Variants in TAFA5 observed in about 807,000 individuals in gnomAD.
The protein encoded by TAFA5 is TAFA chemokine like family member 5.
TAFA5 carries 6 observed loss-of-function variants against 15.3 expected under a neutral mutation model. The observed-to-expected ratio is 0.39, with a 90% CI of 0.21 to 0.77. TAFA5 has a LOEUF of 0.77. Ranked by LOEUF, TAFA5 falls within the 30% of genes least tolerant of loss-of-function variation. TAFA5 has a pLI of 0.41. For synonymous variants in TAFA5, 103 were observed against 80.7 expected (o/e 1.28, Z -1.48); for missense variants, 161 against 193.1 (o/e 0.83, Z 0.98).
intron 1 of TAFA5, among the ~76,000 whole-genome samples, chr22:48,559,868 C>T (rs957908944): frequency 1.3e-5 from 2 of 152,182 alleles, no homozygotes; most frequent in African/African-American, 4.8e-5. Flanking sequence ...ATCCTCATTA[C>T]AACCATCGCC....
At chr22:48,698,953 TTTTG>T (rs1398461139) in intron 2 of TAFA5, among the ~76,000 whole-genome samples, 4,485 of 40,506 alleles carry the variant, frequency 0.11, 231 homozygotes, top group African/African-American at 0.33. Flanking sequence ...TTTTTTTTTT[TTTTG>T]GCGCGACCAA....
chr22:48,575,901 C>T (rs1267947119), intron 1 of TAFA5, among the ~76,000 whole-genome samples: 1 of 143,494 alleles, frequency 7.0e-6, no homozygotes, highest in East Asian at 2.1e-4. Context: ...GCGCGGCGGC[C>T]CCCTGAGCCC....
chr22:48,579,823 A>G (rs867394281), intron 1 of TAFA5, among the ~76,000 whole-genome samples: 1 of 152,346 alleles, frequency 6.6e-6, no homozygotes, highest in Middle Eastern at 3.4e-3. Flanking sequence ...CCACAGCGGC[A>G]GAGAGGTTTC....
intron 3 of TAFA5, among the ~76,000 whole-genome samples, chr22:48,712,704 A>C (rs946109723): frequency 2.0e-5 from 3 of 152,088 alleles, no homozygotes; most frequent in African/African-American, 7.2e-5. Context: ...TGGGTGTTTC[A>C]GGTTCTCCCG....
chr22:48,700,655 C>T (rs910292889), intron 2 of TAFA5, among the ~76,000 whole-genome samples: 14 of 152,176 alleles, frequency 9.2e-5, no homozygotes, highest in Non-Finnish European at 1.9e-4. Context: ...GCATGTTTGC[C>T]TGTGGGCACC....
At chr22:48,630,803 G>GACT (rs1926195835) in intron 1 of TAFA5, among the ~76,000 whole-genome samples, 3 of 37,466 alleles carry the variant, frequency 8.0e-5, no homozygotes, top group Admixed American at 2.7e-4. Context: ...TCGGCTGTGG[G>GACT]GCTTTTGTTT....
At chr22:48,575,668 A>T (rs1923749805) in intron 1 of TAFA5, among the ~76,000 whole-genome samples, 1 of 144,868 alleles carries the variant, frequency 6.9e-6, no homozygotes, top group African/African-American at 2.5e-5. Flanking sequence ...GTGGGCCCGG[A>T]CCTAGTCCCG....
intron 1 of TAFA5, among the ~76,000 whole-genome samples, chr22:48,594,895 G>A (rs1373645066): frequency 7.5e-6 from 1 of 133,316 alleles, no homozygotes; most frequent in Non-Finnish European, 1.6e-5. Flanking sequence ...TTTTTTTTTT[G>A]GTGCTCAGAG....
chr22:48,551,886 C>A (rs561386207), intron 1 of TAFA5, among the ~76,000 whole-genome samples: 51 of 152,330 alleles, frequency 3.3e-4, no homozygotes, highest in African/African-American at 1.2e-3. Context: ...GGTGTGGCCG[C>A]TGTTGGTAAC....
chr22:48,723,213 C>G (rs2147262274), intron 3 of TAFA5, among the ~76,000 whole-genome samples: 1 of 152,338 alleles, frequency 6.6e-6, no homozygotes, highest in Admixed American at 6.5e-5. Flanking sequence ...CTCTGCCAGC[C>G]ACCCCCTTCC....
At chr22:48,630,161 G>A (rs1026724395) in intron 1 of TAFA5, among the ~76,000 whole-genome samples, 2 of 150,352 alleles carry the variant, frequency 1.3e-5, no homozygotes, top group Admixed American at 1.3e-4. Context: ...GGGGGCGGGG[G>A]ATGAGCAGGT....
At chr22:48,611,823 G>A (rs1925420872) in intron 1 of TAFA5, among the ~76,000 whole-genome samples, 1 of 152,164 alleles carries the variant, frequency 6.6e-6, no homozygotes, top group Non-Finnish European at 1.5e-5. Flanking sequence ...GCCTCCGGAT[G>A]GGCAGAGGCA....
intron 1 of TAFA5, among the ~76,000 whole-genome samples, chr22:48,594,394 T>G (rs1924685712): frequency 6.6e-6 from 1 of 152,116 alleles, no homozygotes. Flanking sequence ...TGCACATAGG[T>G]TGACAAGCTC....
At chr22:48,695,118 CTT>C (rs1334464465) in intron 2 of TAFA5, among the ~76,000 whole-genome samples, 3 of 151,846 alleles carry the variant, frequency 2.0e-5, no homozygotes, top group Admixed American at 1.3e-4. Flanking sequence ...GTGTGTGTGT[CTT>C]TGTGTGTCTG....
intron 1 of TAFA5, among the ~76,000 whole-genome samples, chr22:48,532,387 G>A (rs529219714): frequency 2.6e-5 from 4 of 152,322 alleles, no homozygotes; most frequent in Non-Finnish European, 4.4e-5. Context: ...TTGGAAACAC[G>A]TATTTCATGT....
intron 1 of TAFA5, among the ~76,000 whole-genome samples, chr22:48,629,060 C>G (rs1049471434): frequency 6.6e-6 from 1 of 152,180 alleles, no homozygotes. Context: ...AGCCCTGGCC[C>G]CTCCGCAGGC....
chr22:48,669,211 G>GC (rs1194948187), intron 2 of TAFA5, among the ~76,000 whole-genome samples: 4 of 152,226 alleles, frequency 2.6e-5, no homozygotes, highest in East Asian at 1.9e-4. Flanking sequence ...TTGTGTCTAA[G>GC]CCCCCCAGCG....
chr22:48,634,716 CTCAT>C (rs1482265480), intron 1 of TAFA5, among the ~76,000 whole-genome samples: 3 of 151,882 alleles, frequency 2.0e-5, no homozygotes, highest in Admixed American at 6.6e-5. Context: ...CATTCACCCT[CTCAT>C]TCATCTACTC....
At chr22:48,699,298 C>A (rs1406842404) in intron 2 of TAFA5, among the ~76,000 whole-genome samples, 1 of 152,174 alleles carries the variant, frequency 6.6e-6, no homozygotes, top group Non-Finnish European at 1.5e-5. Context: ...TACAATGTTG[C>A]AGGACTATGA....
Sources: allele counts gnomAD v4.1 joint callset (sites outside exome capture counted in the v4.1 genomes callset), GRCh38; gene constraint gnomAD v4.1.1; transcripts MANE v1.5; gene names NCBI Gene and HGNC (gene_info 2026-07-23, HGNC 2026-07-21).